Variants in USP25 observed in about 807,000 individuals in gnomAD.
The protein encoded by USP25 is ubiquitin carboxyl-terminal hydrolase 25.
A neutral mutation model predicts 158.5 loss-of-function variants in USP25; 85 were observed. The ratio of observed to expected loss-of-function variants is 0.54; its 90% CI spans 0.45 to 0.64. The LOEUF (loss-of-function observed/expected upper bound fraction) is 0.64, where lower values mean the gene tolerates loss of function less well. USP25 is among the 30% of genes least tolerant of loss of function. The probability of loss-of-function intolerance (pLI) is 0.00; values close to 1 mark genes in which losing one functional copy is unlikely to be tolerated. For synonymous variants in USP25, 464 were observed against 460.4 expected (o/e 1.01, Z -0.10); for missense variants, 1,242 against 1,327.3 (o/e 0.94, Z 1.00).
chr21:15,875,170 C>G lies in USP25; in HGVS notation c.3009+644C>G, dbSNP rs1344096491. Among the ~76,000 whole-genome samples, 1 of 152,084 alleles carries G rather than the reference C, an allele frequency of 6.6e-6. No individual in the cohort carries two copies. Among genetic ancestry groups the G allele is most frequent in the East Asian group, 1.9e-4 (1 of 5,190 alleles). Reference sequence around the variant, plus strand: ...CTGGCAACCAGGTGACAGAGCAAGACTCTGTCTCAAAAAAACAAGAATATA... The same window carrying G: ...CTGGCAACCAGGTGACAGAGCAAGAGTCTGTCTCAAAAAAACAAGAATATA... On this transcript the variant is annotated intron_variant, in intron 24 of 25. Coordinates refer to ENST00000400183, the MANE Select transcript of USP25 (RefSeq NM_001283041.3). The surrounding 1 kb of genome is among the most constrained non-coding windows in gnomAD (Gnocchi z 4.7).
At chr21:15,743,113 C>T (rs1259803176) in intron 1 of USP25, among the ~76,000 whole-genome samples, 1 of 152,198 alleles carries the variant, frequency 6.6e-6, no homozygotes, top group Non-Finnish European at 1.5e-5. Flanking sequence ...TGTGTTAGAG[C>T]TTGTTTATTC....
At chr21:15,781,083 C>T (rs919277552) in intron 4 of USP25, among the ~76,000 whole-genome samples, 8 of 152,170 alleles carry the variant, frequency 5.3e-5, no homozygotes, top group African/African-American at 1.9e-4. Context: ...AGCAGTGTAA[C>T]TTGAAAAAGT....
chr21:15,822,984 G>C (rs1425575314), intron 10 of USP25, among the ~76,000 whole-genome samples: 1 of 151,928 alleles, frequency 6.6e-6, no homozygotes, highest in Non-Finnish European at 1.5e-5. Flanking sequence ...ATTTGCTGTA[G>C]AGAAAAGTAG....
At chr21:15,866,491 ATAAT>A (rs2039667000) in intron 22 of USP25, 147 bp downstream of exon 22, 1 of 447,052 alleles carries the variant, frequency 2.2e-6, no homozygotes, top group Admixed American at 4.3e-5. Context: ...CAAGTAATTA[ATAAT>A]TTTATATGTG....
intron 1 of USP25, among the ~76,000 whole-genome samples, chr21:15,755,733 G>A (rs1360197855): frequency 6.6e-6 from 1 of 152,190 alleles, no homozygotes; most frequent in Non-Finnish European, 1.5e-5. Flanking sequence ...GAAATAAACT[G>A]ACAGTAAACA....
At chr21:15,828,253 T>A (rs1478941981) in intron 14 of USP25, among the ~76,000 whole-genome samples, 3 of 152,224 alleles carry the variant, frequency 2.0e-5, no homozygotes, top group Non-Finnish European at 2.9e-5. Flanking sequence ...TTAAAAATAT[T>A]TGAACTCATT....
At chr21:15,849,358 A>G (rs1215559181) in intron 19 of USP25, among the ~76,000 whole-genome samples, 1 of 152,176 alleles carries the variant, frequency 6.6e-6, no homozygotes, top group Admixed American at 6.6e-5. Context: ...ACAGTTCTGC[A>G]AGGATGACTA....
chr21:15,877,182 C>T (rs547369920), intron 24 of USP25: 5 of 152,330 alleles, frequency 3.3e-5, no homozygotes, highest in African/African-American at 4.8e-5. Flanking sequence ...TAATAGTCCT[C>T]GTCTGGCCCT....
chr21:15,763,892 C>G (rs1039607267), intron 2 of USP25, among the ~76,000 whole-genome samples: 1 of 152,016 alleles, frequency 6.6e-6, no homozygotes, highest in Non-Finnish European at 1.5e-5. Flanking sequence ...AGTTTCATCC[C>G]CTTTATGAAA....
chr21:15,846,120 G>A (rs1016856766), intron 18 of USP25, among the ~76,000 whole-genome samples: 1 of 71,396 alleles, frequency 1.4e-5, no homozygotes, highest in Non-Finnish European at 2.4e-5. Flanking sequence ...GTGTGTGTGT[G>A]TGTATATATA....
chr21:15,786,969 C>T (rs757865601), intron 4 of USP25, among the ~76,000 whole-genome samples: 10 of 151,866 alleles, frequency 6.6e-5, no homozygotes, highest in South Asian at 2.1e-4. Flanking sequence ...TATATGCTAA[C>T]GGTGAGTTAT....
At chr21:15,764,316 C>CTT (rs61313473) in intron 2 of USP25, among the ~76,000 whole-genome samples, 17 of 127,716 alleles carry the variant, frequency 1.3e-4, no homozygotes, top group African/African-American at 4.3e-4. Context: ...GGGGAATTTG[C>CTT]TTTTTTTTTT....
chr21:15,822,402 C>T (rs1283551824), intron 10 of USP25, among the ~76,000 whole-genome samples: 1 of 151,844 alleles, frequency 6.6e-6, no homozygotes, highest in African/African-American at 2.4e-5. Flanking sequence ...TTTGAACATC[C>T]TTTTGTAAGG....
At chr21:15,799,669 TA>T in intron 5 of USP25, 87 bp from the exon 6 acceptor site, 1 of 840,816 alleles carries the variant, frequency 1.2e-6, no homozygotes, top group Non-Finnish European at 1.8e-6. Flanking sequence ...TACACAGTTG[TA>T]AAAAATAAAC....
intron 1 of USP25, among the ~76,000 whole-genome samples, chr21:15,733,351 A>G (rs1282910483): frequency 6.6e-6 from 1 of 152,130 alleles, no homozygotes; most frequent in African/African-American, 2.4e-5. Context: ...GGACTCAGCA[A>G]ATATGTGATG....
At chr21:15,838,238 T>G (rs764534551) in intron 17 of USP25, among the ~76,000 whole-genome samples, 3 of 151,824 alleles carry the variant, frequency 2.0e-5, no homozygotes, top group Non-Finnish European at 4.4e-5. Flanking sequence ...CCTGGTGGTG[T>G]TCTTATTTAT....
intron 23 of USP25, among the ~76,000 whole-genome samples, chr21:15,873,872 C>T (rs113763143): frequency 4.9e-4 from 75 of 152,134 alleles, no homozygotes; most frequent in African/African-American, 1.8e-3. Flanking sequence ...AGAAATCTTT[C>T]ATTGTCCACT....
At chr21:15,811,030 A>G in intron 8 of USP25, 107 bp from the exon 9 acceptor site, 1 of 923,060 alleles carries the variant, frequency 1.1e-6, no homozygotes. Context: ...AGTGCGTGAT[A>G]GCCACATAAG....
At chr21:15,774,543 T>A (rs2034532851) in intron 3 of USP25, among the ~76,000 whole-genome samples, 1 of 152,184 alleles carries the variant, frequency 6.6e-6, no homozygotes, top group Non-Finnish European at 1.5e-5. Context: ...TAATTCTAGT[T>A]TGTAGTTTGT....
Sources: allele counts gnomAD v4.1 joint callset (sites outside exome capture counted in the v4.1 genomes callset), GRCh38; gene constraint gnomAD v4.1.1; non-coding constraint Gnocchi (gnomAD v3.1); transcripts MANE v1.5; gene names NCBI Gene and HGNC (gene_info 2026-07-23, HGNC 2026-07-21).